The following RAB5B variants were observed in gnomAD, a reference collection of about 807,000 sequenced individuals.
RAB5B encodes RAB5B, member RAS oncogene family, also known as ras-related protein Rab-5B.
A neutral mutation model predicts 28.6 loss-of-function variants in RAB5B; 11 were observed. That is an observed-to-expected ratio of 0.38 (90% confidence interval 0.24 to 0.64). The LOEUF is 0.64. Ranked by LOEUF, RAB5B falls within the 30% of genes least tolerant of loss-of-function variation. The pLI is 0.53. For missense variants in RAB5B, 169 were observed against 265.6 expected (o/e 0.64, Z 2.53); for synonymous variants, 93 against 97.9 (o/e 0.95, Z 0.29).
At chr12:55,983,963 T>A (rs1244115571) in intron 1 of RAB5B, among the ~76,000 whole-genome samples, 2 of 151,868 alleles carry the variant, frequency 1.3e-5, no homozygotes, top group Non-Finnish European at 2.9e-5. Context: ...CCAGGCCTGT[T>A]TTTTCTCTTT....
intron 2 of RAB5B, among the ~76,000 whole-genome samples, chr12:55,989,069 G>A (rs374979201): frequency 6.7e-5 from 10 of 148,470 alleles, no homozygotes; most frequent in African/African-American, 2.2e-4. Context: ...AGCCTCCCAA[G>A]TAGCTGGAAT....
At chr12:55,985,635 G>A (rs1227894969) in intron 1 of RAB5B, 1 of 453,176 alleles carries the variant, frequency 2.2e-6, no homozygotes, top group Non-Finnish European at 4.4e-6. Flanking sequence ...TAGAGGAGCT[G>A]ATTCAGTGTA....
chr12:55,982,499 G>C (rs1889837282), intron 1 of RAB5B, among the ~76,000 whole-genome samples: 1 of 152,062 alleles, frequency 6.6e-6, no homozygotes, highest in Non-Finnish European at 1.5e-5. Flanking sequence ...TCACTATGTT[G>C]CCCAGGCTGG....
chr12:55,974,688 G>T (rs1024967951), intron 1 of RAB5B, among the ~76,000 whole-genome samples: 9 of 152,158 alleles, frequency 5.9e-5, no homozygotes, highest in Non-Finnish European at 7.3e-5. Flanking sequence ...GAGAGATTTG[G>T]GTTCAGTGAG....
Position 55,985,207 on chromosome 12 carries a change from C to T in RAB5B, c.-92-1662C>T, listed in dbSNP as rs1265541670. ...AACGTGGAGAATTGGACTCCAGAGC[C>T]TTTATTCCTCTGAATTGCCTCCTGT... On this transcript the variant is annotated intron_variant, in intron 1 of 5. Transcript: ENST00000360299. Among the ~76,000 whole-genome samples the T allele has an allele frequency of 5.3e-5, 8 of 152,058 alleles. No individual in the cohort carries two copies. The East Asian group carries it at 9.6e-4, about 18-fold the overall frequency.
Position 55,986,921 on chromosome 12 carries a change from T to TC in RAB5B, c.-35dup. On this transcript the variant is annotated 5_prime_UTR_variant, in exon 2 of 6. Transcript: ENST00000360299. ...CCTTCCCCCTCCCCCCTTTACAGTA[T>TC]CCCCCTCCCTCCACCCTTTCCCATT... is the stretch of plus-strand genomic sequence containing the variant. The TC allele has an allele frequency of 2.0e-6, 1 of 508,530 alleles. No homozygotes were observed. Among genetic ancestry groups the TC allele is most frequent in the Non-Finnish European group, 3.5e-6 (1 of 285,522 alleles). The allele number at this position is 508,530 out of a possible 1,614,324, so 31.5% of individuals were successfully genotyped here. A position where few individuals can be genotyped will look rare whatever the true frequency, so the allele number is the denominator to read the frequency against.
intron 3 of RAB5B, chr12:55,990,354 G>A: frequency 1.7e-5 from 8 of 471,560 alleles, no homozygotes; most frequent in South Asian, 1.6e-4. Flanking sequence ...GTTGCAGTGA[G>A]CCGAGATCGA....
At chr12:55,980,929 G>A (rs988636536) in intron 1 of RAB5B, 3 of 1,613,240 alleles carry the variant, frequency 1.9e-6, no homozygotes, top group Non-Finnish European at 2.5e-6. Flanking sequence ...AGATGTAAGT[G>A]TTGTTGAAGT....
intron 3 of RAB5B, chr12:55,990,299 T>C (rs982631569): frequency 9.3e-6 from 5 of 539,534 alleles, no homozygotes; most frequent in Non-Finnish European, 1.6e-5. Context: ...TCCCAGCTAC[T>C]CGGGAGGCTG....
At position 55,996,003 on chromosome 12, in the gene RAB5B, A is replaced by ATATATATATTTTTTTTTTTTTT; in HGVS notation, c.*3792_*3793insATATATATTTTTTTTTTTTTTT. ...TATATACATATATATATATATATAT[A>ATATATATATTTTTTTTTTTTTT]TTTTTTTTTTAACAACTGGTAGGAT... On this transcript the variant is annotated 3_prime_UTR_variant, in exon 6 of 6. Transcript: ENST00000360299. 3.1e-5 allele frequency: 3 copies of ATATATATATTTTTTTTTTTTTT among 97,406 alleles called. No individual in the cohort carries two copies. The highest frequency in any genetic ancestry group is 1.4e-4 in the African/African-American group (3 of 21,148). The allele number at this position is 97,406 out of a possible 1,614,324, so 6.0% of individuals were successfully genotyped here.
At chr12:55,980,785 G>A in intron 1 of RAB5B, 11 of 1,577,720 alleles carry the variant, frequency 7.0e-6, no homozygotes. Context: ...CTAGGATAAT[G>A]CCCATGGCTC....
intron 1 of RAB5B, among the ~76,000 whole-genome samples, chr12:55,986,625 C>G (rs1889958397): frequency 6.6e-6 from 1 of 152,050 alleles, no homozygotes; most frequent in Non-Finnish European, 1.5e-5. Flanking sequence ...ATTAAAAACT[C>G]TCAGTTTTCA....
chr12:55,984,378 C>A (rs960389683), intron 1 of RAB5B, among the ~76,000 whole-genome samples: 2 of 152,042 alleles, frequency 1.3e-5, no homozygotes, highest in African/African-American at 4.8e-5. Context: ...TTAGTAGAGA[C>A]GGGGTTTCAC....
At chr12:55,991,913 G>A (rs1397194190) in intron 5 of RAB5B, 184 bp from the exon 6 acceptor site, 21 of 549,168 alleles carry the variant, frequency 3.8e-5, no homozygotes, top group Non-Finnish European at 5.8e-5. Flanking sequence ...GCAACAGAGC[G>A]AGACTCCATC....
rs755651879 is a variant in RAB5B at position 55,987,138 on chromosome 12, G to A, written c.163+15G>A. 1.3e-6 allele frequency: 2 copies of A among 1,593,926 alleles called. No homozygotes were observed. The highest frequency in any genetic ancestry group is 1.7e-6 in the Non-Finnish European group (2 of 1,169,542). On this transcript the variant is annotated intron_variant, in intron 2 of 5. Coordinates refer to ENST00000360299, the MANE Select transcript of RAB5B (RefSeq NM_002868.4). ...CACCATTGGAGGTGAGTGCCTTGGGGTAATAGGAGATTGAATGTTTGGTAA... is the reference window on the plus strand; with the variant it reads ...CACCATTGGAGGTGAGTGCCTTGGGATAATAGGAGATTGAATGTTTGGTAA...
At chr12:55,975,614 C>CA (rs111751524) in intron 1 of RAB5B, among the ~76,000 whole-genome samples, 11,167 of 128,368 alleles carry the variant, frequency 0.087, 471 homozygotes, top group African/African-American at 0.099. Flanking sequence ...ACCCTGTCTC[C>CA]AAAAAAAAAA....
intron 1 of RAB5B, among the ~76,000 whole-genome samples, chr12:55,977,494 T>TA (rs2136470482): frequency 6.6e-6 from 1 of 152,304 alleles, no homozygotes; most frequent in South Asian, 2.1e-4. Flanking sequence ...CTGCATAACA[T>TA]ACCTCATATC....
Position 55,992,139 on chromosome 12 carries a change from C to G in RAB5B, c.575C>G (p.Ala192Gly). ...AGTGAACCCCAGAATCTGGGAGGTG[C>G]AGCAGGCCGAAGCCGGGGTGTGGAT... ...PKSEPQNLGG[A>G]AGRSRGVDLH... Residue 192 changes from alanine to glycine, a missense_variant, in exon 6 of 6, where the codon GCA becomes GGA. Physicochemically the swap from Ala to Gly is moderately conservative, Grantham distance 60. Coordinates refer to ENST00000360299, the MANE Select transcript of RAB5B (RefSeq NM_002868.4). The G allele has an allele frequency of 2.5e-6, 4 of 1,614,118 alleles. No individual in the cohort carries two copies. The highest frequency in any genetic ancestry group is 3.4e-6 in the Non-Finnish European group (4 of 1,180,008).
intron 1 of RAB5B, among the ~76,000 whole-genome samples, chr12:55,974,935 T>C (rs62874063): frequency 6.6e-6 from 1 of 150,702 alleles, no homozygotes; most frequent in South Asian, 2.1e-4. Context: ...TTTTTTTTTT[T>C]CCATGACTGT....
Sources: gnomAD v4.1 joint callset for allele counts (sites outside exome capture counted in the v4.1 genomes callset) on GRCh38, gnomAD v4.1.1 for gene constraint, MANE v1.5 for transcripts, NCBI Gene and HGNC (gene_info 2026-07-23, HGNC 2026-07-21) for gene names.